Variants in EFHC2 observed in about 807,000 individuals in gnomAD.
EFHC2 encodes EF-hand domain-containing family member C2.
A neutral mutation model predicts 52.7 loss-of-function variants in EFHC2; 18 were observed. The observed-to-expected ratio is 0.34, with a 90% confidence interval of 0.24 to 0.51. EFHC2 has a LOEUF of 0.51. Ranked by LOEUF, EFHC2 falls within the 20% of genes least tolerant of loss-of-function variation. EFHC2 has a pLI of 0.97. For synonymous variants in EFHC2, 203 were observed against 204.1 expected (o/e 0.99, Z 0.04); for missense variants, 513 against 562.5 (o/e 0.91, Z 0.89).
intron 8 of EFHC2, among the ~76,000 whole-genome samples, chrX:44,241,626 G>A (rs2037359741): frequency 8.9e-6 from 1 of 111,982 alleles, no homozygotes; most frequent in Non-Finnish European, 1.9e-5. Context: ...TTTGTGATAT[G>A]TAAAAATTAC....
chrX:44,227,574 A>G (rs2037242585), intron 11 of EFHC2, among the ~76,000 whole-genome samples: 1 of 111,453 alleles, frequency 9.0e-6, no homozygotes, highest in Non-Finnish European at 1.9e-5. Flanking sequence ...GCCCAGCAGT[A>G]GGGGATGCTG....
At chrX:44,223,110 C>T (rs778775715) in intron 11 of EFHC2, among the ~76,000 whole-genome samples, 1 of 112,165 alleles carries the variant, frequency 8.9e-6, no homozygotes, top group African/African-American at 3.2e-5. Flanking sequence ...GAGGTCAGAG[C>T]TCAATTTCCC....
chrX:44,241,204 T>C (rs1839340470), intron 8 of EFHC2, among the ~76,000 whole-genome samples: 1 of 111,713 alleles, frequency 9.0e-6, no homozygotes, highest in South Asian at 3.8e-4. Context: ...TTCAAGCACC[T>C]ACAATGTTTC....
intron 12 of EFHC2, among the ~76,000 whole-genome samples, 199 bp downstream of exon 12, chrX:44,178,168 C>CACACACACACACACACA (rs1342884543): frequency 9.2e-6 from 1 of 108,995 alleles, no homozygotes; most frequent in Non-Finnish European, 1.9e-5. Context: ...CACACACACA[C>CACACACACACACACACA]AAGCTCTCCA....
At position 44,309,979 on chromosome X, in the gene EFHC2, C is replaced by T. The variant is rs548286953; in HGVS notation, c.231+2589G>A. 1,950 of 997,502 alleles carry T rather than the reference C, an allele frequency of 2.0e-3. 21 individuals carry two copies. In the South Asian group the frequency reaches 0.036, roughly 18 times the overall value. 82.2% of individuals were successfully genotyped at this position (997,502 alleles called of 1,213,427 possible). ...ATTTCAGAATGTATGTTTTCCATGG[C>T]AATTTGGAAGCCATAGAAACAGCGG... On this transcript the variant is annotated intron_variant, in intron 2 of 14. Transcript: ENST00000420999.
At chrX:44,321,582 G>T (rs1220899885) in intron 1 of EFHC2, among the ~76,000 whole-genome samples, 5 of 111,511 alleles carry the variant, frequency 4.5e-5, no homozygotes, top group Non-Finnish European at 9.4e-5. Context: ...ACTAAAAAGG[G>T]GCAGCTGGTA....
chrX:44,186,137 T>C (rs2036872391), intron 11 of EFHC2, among the ~76,000 whole-genome samples: 1 of 111,856 alleles, frequency 8.9e-6, no homozygotes, highest in Non-Finnish European at 1.9e-5. Context: ...TATGTCTTGG[T>C]GCACTAGACT....
intron 2 of EFHC2, among the ~76,000 whole-genome samples, chrX:44,273,359 C>A (rs2037631648): frequency 2.7e-5 from 3 of 111,934 alleles, no homozygotes; most frequent in African/African-American, 9.8e-5. Flanking sequence ...ACTTCGGGAA[C>A]CTCAAGGAGC....
chrX:44,307,050 G>T (rs2037910811), intron 2 of EFHC2, among the ~76,000 whole-genome samples: 1 of 110,862 alleles, frequency 9.0e-6, no homozygotes, highest in African/African-American at 3.3e-5. Context: ...GGGGAAAGGG[G>T]CCAGTGTAAC....
At chrX:44,172,269 A>G (rs1312417715) in intron 13 of EFHC2, among the ~76,000 whole-genome samples, 1 of 111,866 alleles carries the variant, frequency 8.9e-6, no homozygotes, top group Non-Finnish European at 1.9e-5. Flanking sequence ...AGAAGGCCAC[A>G]ATTAGGGGAG....
intron 2 of EFHC2, among the ~76,000 whole-genome samples, chrX:44,275,668 C>T (rs1180628221): frequency 2.8e-5 from 3 of 108,281 alleles, no homozygotes; most frequent in African/African-American, 1.0e-4. Flanking sequence ...AATCCCAGCA[C>T]TTTGGGAAGC....
At chrX:44,260,538 C>A (rs1227861100) in intron 4 of EFHC2, among the ~76,000 whole-genome samples, 2 of 111,571 alleles carry the variant, frequency 1.8e-5, no homozygotes, top group African/African-American at 6.5e-5. Context: ...ACATAAACAT[C>A]CTTTCCTAAA....
At chrX:44,221,287 T>G (rs1356497841) in intron 11 of EFHC2, among the ~76,000 whole-genome samples, 1 of 111,547 alleles carries the variant, frequency 9.0e-6, no homozygotes, top group Non-Finnish European at 1.9e-5. Context: ...TCTTCTGTAG[T>G]CAATATAATC....
intron 1 of EFHC2, among the ~76,000 whole-genome samples, chrX:44,313,431 G>A (rs1249858388): frequency 1.8e-5 from 2 of 111,469 alleles, no homozygotes; most frequent in Admixed American, 9.6e-5. Context: ...GGAGCGATGT[G>A]GCAATACGAG....
intron 1 of EFHC2, among the ~76,000 whole-genome samples, chrX:44,324,120 C>A (rs953377597): frequency 1.8e-5 from 2 of 110,922 alleles, no homozygotes; most frequent in African/African-American, 6.6e-5. Flanking sequence ...CAATTGCTCC[C>A]ATAGATAACA....
intron 11 of EFHC2, among the ~76,000 whole-genome samples, chrX:44,221,861 C>CA (rs1238977205): frequency 8.9e-6 from 1 of 112,026 alleles, no homozygotes; most frequent in Non-Finnish European, 1.9e-5. Context: ...GTTGCTACAG[C>CA]AAATAGTATT....
At chrX:44,314,607 G>A (rs1036781451) in intron 1 of EFHC2, among the ~76,000 whole-genome samples, 1 of 110,298 alleles carries the variant, frequency 9.1e-6, no homozygotes, top group Non-Finnish European at 1.9e-5. Flanking sequence ...CTCTCTCTCT[G>A]TCTCTCTCTC....
intron 3 of EFHC2, among the ~76,000 whole-genome samples, chrX:44,265,397 C>T (rs2037569212): frequency 9.0e-6 from 1 of 111,155 alleles, no homozygotes; most frequent in Non-Finnish European, 1.9e-5. Context: ...CTCAACCTCC[C>T]GTGTAGCTGA....
At position 44,312,892 on chromosome X, in the gene EFHC2, T is replaced by C. The variant is rs185895817; in HGVS notation, c.43-136A>G. 668 of 542,462 alleles carry C rather than the reference T, an allele frequency of 1.2e-3. 2 individuals carry two copies. In the African/African-American group the frequency reaches 0.014, roughly 12 times the overall value. 44.7% of individuals were successfully genotyped at this position (542,462 alleles called of 1,213,427 possible). On this transcript the variant is annotated intron_variant, in intron 1 of 14. Coordinates refer to ENST00000420999, the MANE Select transcript of EFHC2 (RefSeq NM_025184.4). The stretch of plus-strand genomic sequence containing the variant: ...ATGCAAATAAAGTGGCAAATAATTA[T>C]GATCAATCTTTATCCATAAAGTTGT...
Sources: allele counts gnomAD v4.1 joint callset (sites outside exome capture counted in the v4.1 genomes callset), GRCh38; gene constraint gnomAD v4.1.1; transcripts MANE v1.5; gene names NCBI Gene and HGNC (gene_info 2026-07-23, HGNC 2026-07-21).